HMGCLL1: variants seen among roughly 807,000 people sequenced by gnomAD.
The protein encoded by HMGCLL1 is 3-hydroxymethyl-3-methylglutaryl-CoA lyase, cytoplasmic.
A neutral mutation model predicts 39.1 loss-of-function variants in HMGCLL1; 36 were observed. That is an observed-to-expected ratio of 0.92 (90% CI 0.71 to 1.22). The LOEUF (loss-of-function observed/expected upper bound fraction) is 1.22. Among genes scored for constraint, HMGCLL1 ranks in the 50% most tolerant of loss-of-function variants. HMGCLL1 has a pLI of 0.00. For synonymous variants in HMGCLL1, 149 were observed against 144.0 expected (o/e 1.03, Z -0.25); for missense variants, 451 against 416.5 (o/e 1.08, Z -0.72).
chr6:55,497,275 A>G (rs1004588148), intron 6 of HMGCLL1, among the ~76,000 whole-genome samples: 1 of 152,100 alleles, frequency 6.6e-6, no homozygotes, highest in South Asian at 2.1e-4. Flanking sequence ...ACAGACAACA[A>G]AACACCTTCT....
chr6:55,521,404 C>T (rs984741987), intron 3 of HMGCLL1, among the ~76,000 whole-genome samples: 1 of 152,092 alleles, frequency 6.6e-6, no homozygotes, highest in Non-Finnish European at 1.5e-5. Context: ...TTGTATTTCA[C>T]AGGTACTGTG....
At chr6:55,624,230 C>T in the HMGCLL1 span, among the ~76,000 whole-genome samples, 1 of 152,166 alleles carries the variant, frequency 6.6e-6, no homozygotes, top group Admixed American at 6.5e-5. Context: ...CCCCATTCAA[C>T]TCTCCCATTT....
At chr6:55,491,790 T>C (rs1581850459) in intron 7 of HMGCLL1, among the ~76,000 whole-genome samples, 1 of 152,150 alleles carries the variant, frequency 6.6e-6, no homozygotes, top group East Asian at 1.9e-4. Flanking sequence ...TTTCTTGCTC[T>C]TTTGGTTTTG....
chr6:55,467,200 A>G (rs188660403), intron 7 of HMGCLL1, among the ~76,000 whole-genome samples: 2 of 152,216 alleles, frequency 1.3e-5, no homozygotes, highest in African/African-American at 4.8e-5. Flanking sequence ...TATGGCATCA[A>G]CTAATAAAGG....
rs775567320 is a variant in HMGCLL1 at position 55,563,889 on chromosome 6, A to G, written c.108+15059T>C. The G allele has an allele frequency of 3.1e-6, 4 of 1,288,194 alleles. No homozygotes were observed. In the South Asian group the frequency reaches 4.9e-5, roughly 16 times the overall value. The allele number at this position is 1,288,194 out of a possible 1,614,324, so 79.8% of individuals were successfully genotyped here. ...GGGCTTCCTGAGAGGTCCATGGTGC[A>G]GCATCAGCATCACAGACTGAAGCTC... On this transcript the variant is annotated intron_variant, in intron 1 of 8. Transcript: ENST00000274901.
chr6:55,601,121 T>C, the HMGCLL1 span, among the ~76,000 whole-genome samples: 1 of 152,186 alleles, frequency 6.6e-6, no homozygotes, highest in Admixed American at 6.6e-5. Flanking sequence ...GCAATCCTGA[T>C]TGCCACAAAT....
At chr6:55,447,391 A>G (rs1002270091) in intron 7 of HMGCLL1, among the ~76,000 whole-genome samples, 6 of 152,082 alleles carry the variant, frequency 3.9e-5, no homozygotes, top group Non-Finnish European at 5.9e-5. Context: ...ATAGATGCAA[A>G]GAGAGAGAGC....
chr6:55,540,326 T>A (rs1373324011), intron 3 of HMGCLL1, among the ~76,000 whole-genome samples: 1 of 152,036 alleles, frequency 6.6e-6, no homozygotes, highest in African/African-American at 2.4e-5. Context: ...TCCTCAAAAT[T>A]AATATGTTGA....
chr6:55,621,736 C>A, the HMGCLL1 span, among the ~76,000 whole-genome samples: 51,335 of 151,782 alleles, frequency 0.34, 9,011 homozygotes, highest in African/African-American at 0.42. Context: ...AATAAATGTA[C>A]TGTTCTTTAA....
At chr6:55,532,854 T>G (rs1768769689) in intron 3 of HMGCLL1, among the ~76,000 whole-genome samples, 1 of 147,004 alleles carries the variant, frequency 6.8e-6, no homozygotes, top group African/African-American at 2.5e-5. Flanking sequence ...ATAATAATAA[T>G]AGTTTCCACC....
chr6:55,622,381 A>G, the HMGCLL1 span, among the ~76,000 whole-genome samples: 2 of 152,028 alleles, frequency 1.3e-5, no homozygotes, highest in African/African-American at 4.8e-5. Flanking sequence ...GTTTTTACTC[A>G]TTCAATATTA....
intron 7 of HMGCLL1, among the ~76,000 whole-genome samples, chr6:55,495,089 G>A (rs963598180): frequency 5.9e-5 from 9 of 152,172 alleles, no homozygotes; most frequent in African/African-American, 1.9e-4. Context: ...TGCTCAAAAT[G>A]CCATCGTATT....
At chr6:55,594,840 TA>T in the HMGCLL1 span, among the ~76,000 whole-genome samples, 2 of 152,206 alleles carry the variant, frequency 1.3e-5, no homozygotes, top group East Asian at 1.9e-4. Context: ...GGGAAATACT[TA>T]AAATTATAGC....
At chr6:55,599,790 T>G in the HMGCLL1 span, among the ~76,000 whole-genome samples, 35 of 152,212 alleles carry the variant, frequency 2.3e-4, no homozygotes, top group African/African-American at 7.0e-4. Flanking sequence ...CAATAGAAAA[T>G]TTTGCAGAAA....
upstream of HMGCLL1, among the ~76,000 whole-genome samples, chr6:55,583,569 C>G (rs1430373709): frequency 6.6e-6 from 1 of 152,064 alleles, no homozygotes; most frequent in Non-Finnish European, 1.5e-5. Context: ...TGTATATGTG[C>G]CACATTTTCT....
At chr6:55,447,338 A>G (rs1490556149) in intron 7 of HMGCLL1, among the ~76,000 whole-genome samples, 2 of 152,110 alleles carry the variant, frequency 1.3e-5, no homozygotes, top group Non-Finnish European at 2.9e-5. Flanking sequence ...TTTAGTAAAC[A>G]GGAGTATATA....
intron 3 of HMGCLL1, 95 bp from the exon 4 acceptor site, chr6:55,516,698 T>C (rs1767759859): frequency 1.5e-6 from 1 of 677,488 alleles, no homozygotes; most frequent in Admixed American, 2.4e-5. Flanking sequence ...CATGGACAGT[T>C]AGAGTCTTTA....
At chr6:55,622,380 C>T in the HMGCLL1 span, among the ~76,000 whole-genome samples, 4 of 152,032 alleles carry the variant, frequency 2.6e-5, no homozygotes, top group Non-Finnish European at 5.9e-5. Flanking sequence ...AGTTTTTACT[C>T]ATTCAATATT....
the HMGCLL1 span, among the ~76,000 whole-genome samples, chr6:55,584,656 A>G: frequency 6.6e-6 from 1 of 152,090 alleles, no homozygotes; most frequent in African/African-American, 2.4e-5. Flanking sequence ...GGATCTAATT[A>G]AAACAGGTTG....
Sources: gnomAD v4.1 joint callset for allele counts (sites outside exome capture counted in the v4.1 genomes callset) on GRCh38, gnomAD v4.1.1 for gene constraint, MANE v1.5 for transcripts, NCBI Gene and HGNC (gene_info 2026-07-23, HGNC 2026-07-21) for gene names.